SYNE1: variants seen among roughly 807,000 people sequenced by gnomAD.
The protein encoded by SYNE1 is spectrin repeat containing nuclear envelope protein 1.
SYNE1 carries 616 observed loss-of-function variants against 1,111.0 expected under a neutral mutation model. The ratio of observed to expected loss-of-function variants is 0.55; its 90% CI spans 0.52 to 0.59. SYNE1 has a LOEUF of 0.59. SYNE1 is among the 20% of genes least tolerant of loss of function. SYNE1 has a pLI of 0.00. For missense variants in SYNE1, 10,006 were observed against 10,417.0 expected (o/e 0.96, Z 1.72); for synonymous variants, 3,855 against 3,825.8 (o/e 1.01, Z -0.28).
chr6:152,545,572 T>C (rs1170994031), intron 3 of SYNE1, among the ~76,000 whole-genome samples: 1 of 152,140 alleles, frequency 6.6e-6, no homozygotes, highest in East Asian at 1.9e-4. Flanking sequence ...AGAGTAAAAT[T>C]GTATCTCAAA....
At chr6:152,318,011 T>C in intron 86 of SYNE1, 70 bp downstream of exon 86, 2 of 1,586,686 alleles carry the variant, frequency 1.3e-6, no homozygotes, top group Non-Finnish European at 1.7e-6. Flanking sequence ...TAATTTATTT[T>C]CAAAAGAGAA....
At chr6:152,228,087 A>G (rs9383978) in intron 115 of SYNE1, among the ~76,000 whole-genome samples, 97,564 of 152,076 alleles carry the variant, frequency 0.64, 31,717 homozygotes, top group East Asian at 0.78. Context: ...TCCAGTCACC[A>G]ATTTAAGTAT....
chr6:152,450,890 AT>A (rs1367962052), intron 26 of SYNE1, 57 bp from the exon 27 acceptor site: 1 of 1,601,460 alleles, frequency 6.2e-7, no homozygotes. Flanking sequence ...GTACTTCTAC[AT>A]TTTCACAGAA....
At chr6:152,614,687 T>A (rs1008882281) in intron 3 of SYNE1, among the ~76,000 whole-genome samples, 1 of 152,196 alleles carries the variant, frequency 6.6e-6, no homozygotes, top group African/African-American at 2.4e-5. Context: ...TGCACACGTA[T>A]GTTTATTGCA....
intron 11 of SYNE1, among the ~76,000 whole-genome samples, chr6:152,493,872 A>G (rs1593926548): frequency 6.6e-6 from 1 of 152,146 alleles, no homozygotes; most frequent in Non-Finnish European, 1.5e-5. Context: ...ACCATCATAC[A>G]AAAGGAAACC....
At chr6:152,480,425 G>T (rs1363048385) in intron 14 of SYNE1, among the ~76,000 whole-genome samples, 1 of 152,164 alleles carries the variant, frequency 6.6e-6, no homozygotes, top group Non-Finnish European at 1.5e-5. Flanking sequence ...GGAGGCTGAG[G>T]CAGGAGAATC....
chr6:152,158,828 T>C (rs568853111), intron 131 of SYNE1, among the ~76,000 whole-genome samples: 39 of 152,386 alleles, frequency 2.6e-4, no homozygotes, highest in Admixed American at 8.5e-4. Flanking sequence ...AGCATTTTTA[T>C]TTCATTTTCC....
intron 36 of SYNE1, among the ~76,000 whole-genome samples, chr6:152,428,759 G>A (rs1432704478): frequency 2.0e-5 from 3 of 152,114 alleles, no homozygotes; most frequent in Middle Eastern, 3.4e-3. Flanking sequence ...AAACAAATAA[G>A]AGTTATATCT....
At chr6:152,137,160 T>A (rs957487918) in intron 140 of SYNE1, among the ~76,000 whole-genome samples, 2 of 152,164 alleles carry the variant, frequency 1.3e-5, no homozygotes, top group African/African-American at 2.4e-5. Context: ...TGCCACATAT[T>A]TCAGAATAGC....
Position 152,387,111 on chromosome 6 carries a change from C to A in SYNE1, c.8448G>T (p.Glu2816Asp). The A allele has an allele frequency of 1.2e-6, 2 of 1,614,150 alleles. No homozygotes were observed. The highest frequency in any genetic ancestry group is 1.7e-6 in the Non-Finnish European group (2 of 1,179,994). ...DESFKDTAQE[E>D]LKTQFNDIMT... Reference sequence around the variant, plus strand: ...TTATATCATTAAACTGTGTTTTCAGCTCCTCTTGAGCTGTGTCCTTGAAAG... The same window carrying A: ...TTATATCATTAAACTGTGTTTTCAGATCCTCTTGAGCTGTGTCCTTGAAAG... The change falls in exon 54 of 146, where the codon GAG (glutamate) becomes GAT (aspartate). Residue 2816 changes from glutamate to aspartate, a missense_variant. Coordinates refer to ENST00000367255, the MANE Select transcript of SYNE1 (RefSeq NM_182961.4).
chr6:152,308,385 G>C (rs2095444295), intron 91 of SYNE1, 104 bp downstream of exon 91: 2 of 1,535,766 alleles, frequency 1.3e-6, no homozygotes, highest in Admixed American at 1.7e-5. Context: ...AACACATTAA[G>C]TGCAGGACAG....
rs183130725 is a variant in SYNE1 at position 152,520,325 on chromosome 6, C to A, written c.309+134G>T. 1.4e-4 allele frequency: 124 copies of A among 901,236 alleles called. No individual in the cohort carries two copies. In the African/African-American group the frequency reaches 2.0e-3, roughly 15 times the overall value. The allele number at this position is 901,236 out of a possible 1,614,324, so 55.8% of individuals were successfully genotyped here. On this transcript the variant is annotated intron_variant, in intron 6 of 145. Transcript: ENST00000367255. The stretch of plus-strand genomic sequence containing the variant: ...ATAAATCTAAGAGTATTTTATAATA[C>A]AATGATATTGTATGTCTAGGCTGTA...
rs568008128 is a variant in SYNE1, at chr6:152,584,592, C to T, written c.67+43673G>A. ...TAATTTTTTTGATTTTTAGTAGAGA[C>T]GAGGTCTCGCTACATTGCCCAGGCT... On this transcript the variant is annotated intron_variant, in intron 3 of 145. Coordinates refer to ENST00000367255, the MANE Select transcript of SYNE1 (RefSeq NM_182961.4). Among the ~76,000 whole-genome samples, 12 of 152,078 alleles carry T rather than the reference C, an allele frequency of 7.9e-5. 1 individual carries two copies. The South Asian group carries it at 2.5e-3, about 32-fold the overall frequency.
chr6:152,333,909 A>G (rs898288139), intron 77 of SYNE1, 99 bp downstream of exon 77: 28 of 1,522,290 alleles, frequency 1.8e-5, no homozygotes, highest in Non-Finnish European at 2.5e-5. Flanking sequence ...CTGGGATTAC[A>G]GGCATCAGCC....
intron 82 of SYNE1, among the ~76,000 whole-genome samples, chr6:152,322,152 A>T (rs2095884445): frequency 1.3e-5 from 2 of 152,166 alleles, no homozygotes; most frequent in Admixed American, 1.3e-4. Flanking sequence ...TAGCCTGGAG[A>T]TTATTTCATT....
At position 152,351,917 on chromosome 6, in the gene SYNE1, C is replaced by T. The variant is rs75092438; in HGVS notation, c.11580+110G>A. 3.2e-3 allele frequency: 3,060 copies of T among 968,664 alleles called. 9 individuals carry two copies. Among genetic ancestry groups the T allele is most frequent in the East Asian group, 5.6e-3 (223 of 40,108 alleles). 60.0% of individuals were successfully genotyped at this position (968,664 alleles called of 1,614,324 possible). On this transcript the variant is annotated intron_variant, in intron 70 of 145. Coordinates refer to ENST00000367255, the MANE Select transcript of SYNE1 (RefSeq NM_182961.4). ...TGGTCAGCTGCAGAACGGACACATGCGGGATGCATTCCAGCAGCTGTTACG... is the reference window on the plus strand; with the variant it reads ...TGGTCAGCTGCAGAACGGACACATGTGGGATGCATTCCAGCAGCTGTTACG...
chr6:152,206,386 T>C, intron 125 of SYNE1, 24 bp from the exon 126 acceptor site: 1 of 1,612,676 alleles, frequency 6.2e-7, no homozygotes, highest in Non-Finnish European at 8.5e-7. Context: ...TAGCTTTTTA[T>C]TTTCTCATTC....
intron 105 of SYNE1, among the ~76,000 whole-genome samples, chr6:152,246,156 T>C (rs947702235): frequency 6.6e-6 from 1 of 152,156 alleles, no homozygotes; most frequent in African/African-American, 2.4e-5. Context: ...CTCTTAAAAT[T>C]ATCATGTTCC....
chr6:152,210,924 A>G (rs1563537184), intron 124 of SYNE1, among the ~76,000 whole-genome samples: 1 of 152,196 alleles, frequency 6.6e-6, no homozygotes, highest in Non-Finnish European at 1.5e-5. Context: ...TAAGGTAGCA[A>G]ACCATTTTCA....
Sources: gnomAD v4.1 joint callset for allele counts (sites outside exome capture counted in the v4.1 genomes callset) on GRCh38, gnomAD v4.1.1 for gene constraint, MANE v1.5 for transcripts, NCBI Gene and HGNC (gene_info 2026-07-23, HGNC 2026-07-21) for gene names.